Variants in ENTR1 observed in about 807,000 individuals in gnomAD.
ENTR1 encodes endosome-associated-trafficking regulator 1.
A neutral mutation model predicts 47.9 loss-of-function variants in ENTR1; 47 were observed. That is an observed-to-expected ratio of 0.98 (90% CI 0.78 to 1.25). The LOEUF is 1.25. Ranked by LOEUF, ENTR1 falls within the 50% of genes most tolerant of loss-of-function variation. ENTR1 has a pLI of 0.00. For synonymous variants in ENTR1, 290 were observed against 245.8 expected, an observed-to-expected ratio of 1.18 and a Z score of -1.68; for missense variants, 668 against 570.5, an observed-to-expected ratio of 1.17 and a Z score of -1.74.
chr9:136,403,522 G>GT (rs1834614427), intron 9 of ENTR1, among the ~76,000 whole-genome samples: 1 of 151,794 alleles, frequency 6.6e-6, no homozygotes. Flanking sequence ...AGAACCACAG[G>GT]TTTTCCACTC....
At chr9:136,405,049 C>T in intron 7 of ENTR1, 42 bp downstream of exon 7, 1 of 1,520,046 alleles carries the variant, frequency 6.6e-7, no homozygotes, top group Non-Finnish European at 9.1e-7. Context: ...AGGAGCGCTC[C>T]TGCCCCACCC....
chr9:136,407,641 G>T, intron 4 of ENTR1, 80 bp from the exon 5 acceptor site: 1 of 1,480,540 alleles, frequency 6.8e-7, no homozygotes, highest in Admixed American at 2.6e-5. Context: ...GTTCTGCCTC[G>T]CAACAAGAAG....
At chr9:136,409,802 A>G (rs1834989817) in intron 2 of ENTR1, 3 of 541,710 alleles carry the variant, frequency 5.5e-6, no homozygotes. Flanking sequence ...ATCACTGCCC[A>G]CTAGGTGAAG....
chr9:136,404,804 C>T, intron 7 of ENTR1, 111 bp from the exon 8 acceptor site: 1 of 1,048,240 alleles, frequency 9.5e-7, no homozygotes, highest in Non-Finnish European at 1.4e-6. Flanking sequence ...GGCTGTGGCC[C>T]TTCACAGCCC....
rs1371663473 is a variant in ENTR1, at chr9:136,402,748, G to T, written c.*40C>A. The T allele has an allele frequency of 7.3e-7, 1 of 1,371,342 alleles. No homozygotes were observed. The highest frequency in any genetic ancestry group is 2.3e-5 in the East Asian group (1 of 43,710). The allele number at this position is 1,371,342 out of a possible 1,614,324, so 84.9% of individuals were successfully genotyped here. Reference sequence around the variant, plus strand: ...TTAGATCGAGCGGTGGTGACCTCAGGGTATACACGGAGCTTCATGCTGAGA... The same window carrying T: ...TTAGATCGAGCGGTGGTGACCTCAGTGTATACACGGAGCTTCATGCTGAGA... On this transcript the variant is annotated 3_prime_UTR_variant, in exon 10 of 10. Transcript: ENST00000357365.
At chr9:136,404,538 A>T (rs1429144325) in intron 8 of ENTR1, 93 bp downstream of exon 8, 3 of 1,369,680 alleles carry the variant, frequency 2.2e-6, no homozygotes, top group Non-Finnish European at 3.1e-6. Flanking sequence ...GCTCAGGGGA[A>T]ACCCCAGCAG....
chr9:136,402,232 G>C lies in ENTR1; in HGVS notation c.*556C>G, dbSNP rs1354548578. The C allele has an allele frequency of 1.3e-5, 2 of 152,962 alleles. No homozygotes were observed. Among genetic ancestry groups the C allele is most frequent in the African/African-American group, 4.8e-5 (2 of 41,464 alleles). The allele number at this position is 152,962 out of a possible 1,614,324, so 9.5% of individuals were successfully genotyped here. ...GACCTTGGTCCCCGTGGGTCCCGGA[G>C]GAGGACAGCAGCAGCCACGCGGTGG... On this transcript the variant is annotated 3_prime_UTR_variant, in exon 10 of 10. Transcript: ENST00000357365.
chr9:136,406,287 G>T (rs557118418), intron 5 of ENTR1, among the ~76,000 whole-genome samples: 1 of 152,064 alleles, frequency 6.6e-6, no homozygotes, highest in South Asian at 2.1e-4. Flanking sequence ...GGCCAACACG[G>T]TGAAACCCCC....
chr9:136,404,594 A>G (rs879214445), intron 8 of ENTR1, 37 bp downstream of exon 8: 1 of 1,604,912 alleles, frequency 6.2e-7, no homozygotes, highest in South Asian at 1.1e-5. Context: ...GACTCCACAA[A>G]TCAAAGAAAA....
chr9:136,410,348 C>G lies in ENTR1; in HGVS notation c.50G>C (p.Arg17Pro). Residue 17 changes from arginine (R) to proline (P), a missense_variant, in exon 1 of 10, where the codon CGG becomes CCG. By Grantham distance (103) the Arg-to-Pro change is moderately radical. Transcript: ENST00000357365. ...CTCACCGTCGGGAATGGCGAGGCTC[C>G]GGGCTCGGGACAGCGGGGTGGCGCC... ...RPGATPLSRA[R>P]SLAIPDAPAF... 1 of 1,542,056 alleles carries G rather than the reference C, an allele frequency of 6.5e-7. No homozygotes were observed. Among genetic ancestry groups the G allele is most frequent in the Non-Finnish European group, 8.7e-7 (1 of 1,144,552 alleles).
chr9:136,405,867 A>T, intron 6 of ENTR1, 38 bp downstream of exon 6: 2 of 1,268,182 alleles, frequency 1.6e-6, no homozygotes. Context: ...TGTGTATTAG[A>T]TGTTGTGGAT....
At chr9:136,409,931 C>T (rs2131575408) in intron 2 of ENTR1, 159 bp downstream of exon 2, 3 of 882,328 alleles carry the variant, frequency 3.4e-6, no homozygotes, top group Middle Eastern at 2.1e-4. Flanking sequence ...AGACTGTGAG[C>T]TCCTAGCAGG....
intron 2 of ENTR1, 116 bp from the exon 3 acceptor site, chr9:136,409,183 C>CTT (rs35168798): frequency 5.8e-3 from 3,233 of 559,978 alleles, no homozygotes; most frequent in East Asian, 0.044. Flanking sequence ...GTCTAGAGAA[C>CTT]TTTTTTTTTT....
chr9:136,404,312 G>T, intron 8 of ENTR1, 118 bp from the exon 9 acceptor site: 1 of 1,376,056 alleles, frequency 7.3e-7, no homozygotes, highest in Non-Finnish European at 9.9e-7. Flanking sequence ...GCATGCTCTG[G>T]CCTAACTGGG....
At chr9:136,407,618 T>G in intron 4 of ENTR1, 57 bp from the exon 5 acceptor site, 1 of 1,494,282 alleles carries the variant, frequency 6.7e-7, no homozygotes, top group Non-Finnish European at 8.9e-7. Context: ...TCGGAGCGCA[T>G]CTTCCTTTCT....
In ENTR1 at chr9:136,404,213, C is replaced by G. The variant is rs1834650766; in HGVS notation, c.1069-19G>C. ...CCTGCGCCTGGGGGGACGGTTACGGCTAAGGACAGAGCAGCTCCGAGGCAA... is the reference window on the plus strand; with the variant it reads ...CCTGCGCCTGGGGGGACGGTTACGGGTAAGGACAGAGCAGCTCCGAGGCAA... On this transcript the variant is annotated intron_variant, in intron 8 of 9. Transcript: ENST00000357365. The G allele has an allele frequency of 6.3e-7, 1 of 1,596,130 alleles. No homozygotes were observed. Among genetic ancestry groups the G allele is most frequent in the East Asian group, 2.2e-5 (1 of 44,602 alleles).
rs1203943365 is a variant in ENTR1 at position 136,404,308 on chromosome 9, T to G, written c.1069-114A>C. 27 of 1,417,886 alleles carry G rather than the reference T, an allele frequency of 1.9e-5. No homozygotes were observed. In the East Asian group the frequency reaches 6.2e-4, roughly 33 times the overall value. The allele number at this position is 1,417,886 out of a possible 1,614,324, so 87.8% of individuals were successfully genotyped here. A position where few individuals can be genotyped will look rare whatever the true frequency, so the allele number is the denominator to read the frequency against. On this transcript the variant is annotated intron_variant, in intron 8 of 9. Coordinates refer to ENST00000357365, the MANE Select transcript of ENTR1 (RefSeq NM_001039707.2). ...GGGGCCTGGCACTCAAGATGCATGC[T>G]CTGGCCTAACTGGGGGCTCGCCTCT...
chr9:136,402,957 A>G, intron 9 of ENTR1, 70 bp from the exon 10 acceptor site: 1 of 1,091,910 alleles, frequency 9.2e-7, no homozygotes, highest in Non-Finnish European at 1.3e-6. Context: ...CTGGGGGGAG[A>G]AAGGGGAGGG....
At chr9:136,402,947 C>T in intron 9 of ENTR1, 60 bp from the exon 10 acceptor site, 9 of 679,900 alleles carry the variant, frequency 1.3e-5, no homozygotes, top group South Asian at 4.2e-5. Context: ...CAACAGGGTT[C>T]TGGGGGGAGA....
Sources: gnomAD v4.1 joint callset for allele counts (sites outside exome capture counted in the v4.1 genomes callset) on GRCh38, gnomAD v4.1.1 for gene constraint, MANE v1.5 for transcripts, NCBI Gene and HGNC (gene_info 2026-07-23, HGNC 2026-07-21) for gene names.